Variants in TMED8 observed in about 807,000 individuals in gnomAD.
The protein encoded by TMED8 is transmembrane p24 trafficking protein family member 8.
A neutral mutation model predicts 32.7 loss-of-function variants in TMED8; 15 were observed. The observed-to-expected ratio is 0.46, with a 90% confidence interval of 0.31 to 0.71. The LOEUF is 0.71. Ranked by LOEUF, TMED8 falls within the 30% of genes least tolerant of loss-of-function variation. TMED8 has a pLI of 0.06. For synonymous variants in TMED8, 147 were observed against 161.4 expected (o/e 0.91, Z 0.68); for missense variants, 390 against 423.9 (o/e 0.92, Z 0.70).
intron 2 of TMED8, among the ~76,000 whole-genome samples, chr14:77,348,080 A>G (rs1429409837): frequency 6.6e-6 from 1 of 152,232 alleles, no homozygotes; most frequent in Non-Finnish European, 1.5e-5. Context: ...TAAGCCAAAC[A>G]TTAAAGAGAT....
intron 1 of TMED8, among the ~76,000 whole-genome samples, chr14:77,375,904 A>T (rs753203822): frequency 6.6e-6 from 1 of 152,228 alleles, no homozygotes; most frequent in Non-Finnish European, 1.5e-5. Flanking sequence ...TATGAGGCAG[A>T]TATTTTTAGT....
chr14:77,358,140 A>AG (rs1424429373), intron 1 of TMED8, among the ~76,000 whole-genome samples: 1 of 150,962 alleles, frequency 6.6e-6, no homozygotes, highest in Non-Finnish European at 1.5e-5. Context: ...AAAAAAAAAA[A>AG]AAAAGAAATT....
intron 1 of TMED8, 35 bp from the exon 2 acceptor site, chr14:77,351,786 G>A: frequency 6.5e-7 from 1 of 1,540,582 alleles, no homozygotes; most frequent in African/African-American, 1.4e-5. Context: ...TTCAATATCT[G>A]AGAGGGAATA....
intron 1 of TMED8, among the ~76,000 whole-genome samples, chr14:77,363,395 G>A (rs537720116): frequency 3.9e-5 from 6 of 152,222 alleles, no homozygotes; most frequent in South Asian, 2.1e-4. Flanking sequence ...AAAGAGAAAC[G>A]TATCTTGAGA....
chr14:77,367,023 T>C (rs1039577075), intron 1 of TMED8, among the ~76,000 whole-genome samples: 5 of 151,986 alleles, frequency 3.3e-5, no homozygotes, highest in Non-Finnish European at 7.4e-5. Context: ...GGCAGGCAGA[T>C]GGCTTGAGGT....
At chr14:77,362,849 AAGT>A (rs1893469250) in intron 1 of TMED8, among the ~76,000 whole-genome samples, 1 of 152,236 alleles carries the variant, frequency 6.6e-6, no homozygotes, top group African/African-American at 2.4e-5. Flanking sequence ...AGACAAAATA[AAGT>A]CTAAAAACTG....
In TMED8 at chr14:77,377,078, C is replaced by T. The variant is rs1893839769; in HGVS notation, c.-25G>A. ...TCTGCAGCCCGCGCACGGAGCTCTC[C>T]GCTGCCAGCCGCGAGTGGCTCCGGA... On this transcript the variant is annotated 5_prime_UTR_variant, in exon 1 of 6. Coordinates refer to ENST00000216468, the MANE Select transcript of TMED8 (RefSeq NM_213601.3). 1 of 1,319,808 alleles carries T rather than the reference C, an allele frequency of 7.6e-7. No homozygotes were observed. Among genetic ancestry groups the T allele is most frequent in the East Asian group, 3.0e-5 (1 of 33,772 alleles). The allele number at this position is 1,319,808 out of a possible 1,614,324, so 81.8% of individuals were successfully genotyped here.
rs373456133 is a variant in TMED8, at chr14:77,343,183, A to G, written c.755T>C (p.Ile252Thr). The change falls in exon 5 of 6, where the codon ATT becomes ACT. Residue 252 changes from isoleucine (I) to threonine (T), a missense_variant. Ile to Thr is a moderately conservative substitution (Grantham distance 89). Coordinates refer to ENST00000216468, the MANE Select transcript of TMED8 (RefSeq NM_213601.3). ...EDEEEEEEEE[I>T]EEPVPAGDVE... is the part of the protein sequence containing the mutation. ...TAGGTTAAAATTAAATTTACCTTCA[A>G]TCTCTTCCTCCTCTTCCTCTTCTTC... The G allele has an allele frequency of 1.9e-5, 31 of 1,611,732 alleles. No homozygotes were observed. The African/African-American group carries it at 3.3e-4, about 17-fold the overall frequency.
At chr14:77,352,070 CAGG>C (rs913853978) in intron 1 of TMED8, among the ~76,000 whole-genome samples, 2 of 151,862 alleles carry the variant, frequency 1.3e-5, no homozygotes, top group Non-Finnish European at 1.5e-5. Context: ...GAGGCCAAGG[CAGG>C]AGGATTGCTT....
chr14:77,374,991 C>T (rs746889275), intron 1 of TMED8, among the ~76,000 whole-genome samples: 4 of 152,248 alleles, frequency 2.6e-5, no homozygotes, highest in South Asian at 2.1e-4. Context: ...TAAAAACTTG[C>T]GCTAACTTGA....
intron 1 of TMED8, chr14:77,359,834 G>T: frequency 5.5e-6 from 1 of 182,998 alleles, no homozygotes; most frequent in South Asian, 1.3e-4. Flanking sequence ...TGGGCACTCT[G>T]ACAGTGAGAA....
intron 1 of TMED8, among the ~76,000 whole-genome samples, chr14:77,367,616 A>AT (rs2139633779): frequency 6.6e-6 from 1 of 151,986 alleles, no homozygotes; most frequent in East Asian, 1.9e-4. Context: ...TTCAGTCATT[A>AT]TTTTGATTGA....
chr14:77,355,746 C>G lies in TMED8; in HGVS notation c.119-3995G>C, dbSNP rs151077986. Among the ~76,000 whole-genome samples the G allele has an allele frequency of 5.4e-3, 827 of 152,280 alleles. 7 individuals carry two copies. The highest frequency in any genetic ancestry group is 0.019 in the African/African-American group (783 of 41,550). Reference sequence around the variant, plus strand: ...CAACATTTTCTTAAGAACCTCCCCCCTCAACAGCCTTGGAAGTGGCAGTTC... The same window carrying G: ...CAACATTTTCTTAAGAACCTCCCCCGTCAACAGCCTTGGAAGTGGCAGTTC... On this transcript the variant is annotated intron_variant, in intron 1 of 5. Coordinates refer to ENST00000216468, the MANE Select transcript of TMED8 (RefSeq NM_213601.3).
rs1892729653 is a variant in TMED8 at position 77,335,071 on chromosome 14, G to A, written c.*6700C>T. On this transcript the variant is annotated 3_prime_UTR_variant, in exon 6 of 6. Coordinates refer to ENST00000216468, the MANE Select transcript of TMED8 (RefSeq NM_213601.3). ...TATTTATGACAGATTCGAAAACTCA[G>A]AAGAGATGACAAAGAATGCACAAAA... 1 of 152,170 alleles carries A rather than the reference G, an allele frequency of 6.6e-6. No individual in the cohort carries two copies. The highest frequency in any genetic ancestry group is 2.4e-5 in the African/African-American group (1 of 41,426). The allele number at this position is 152,170 out of a possible 1,614,324, so 9.4% of individuals were successfully genotyped here.
At chr14:77,370,024 T>G (rs957079554) in intron 1 of TMED8, among the ~76,000 whole-genome samples, 2 of 151,976 alleles carry the variant, frequency 1.3e-5, no homozygotes, top group Non-Finnish European at 2.9e-5. Flanking sequence ...ATACAAAAAT[T>G]AGCCGGGCGT....
chr14:77,345,659 CAAAAAA>C (rs11297608), intron 3 of TMED8, among the ~76,000 whole-genome samples: 4 of 103,208 alleles, frequency 3.9e-5, no homozygotes, highest in Non-Finnish European at 5.8e-5. Context: ...ACCTTTGTCT[CAAAAAA>C]AAAAAAAAAA....
Position 77,343,945 on chromosome 14 carries a change from G to A in TMED8, c.328-122C>T, listed in dbSNP as rs189461577. On this transcript the variant is annotated intron_variant, in intron 3 of 5. Coordinates refer to ENST00000216468, the MANE Select transcript of TMED8 (RefSeq NM_213601.3). ...CCACTATCCCCACTCAAAGCTTAAT[G>A]TACTAGTCAATGTTCCTTCTCTTTC... 1.4e-4 allele frequency: 132 copies of A among 965,938 alleles called. No homozygotes were observed. In the African/African-American group the frequency reaches 1.8e-3, roughly 13 times the overall value. The allele number at this position is 965,938 out of a possible 1,614,324, so 59.8% of individuals were successfully genotyped here.
intron 2 of TMED8, among the ~76,000 whole-genome samples, chr14:77,347,092 C>A (rs1893065535): frequency 6.6e-6 from 1 of 152,088 alleles, no homozygotes; most frequent in African/African-American, 2.4e-5. Context: ...CTGGCCCCAA[C>A]ACCTATTAAC....
At chr14:77,348,429 T>A (rs1048417628) in intron 2 of TMED8, among the ~76,000 whole-genome samples, 4 of 152,144 alleles carry the variant, frequency 2.6e-5, no homozygotes, top group Non-Finnish European at 5.9e-5. Flanking sequence ...TTCACCATGT[T>A]AGCCAGGATG....
Sources: gnomAD v4.1 joint callset for allele counts (sites outside exome capture counted in the v4.1 genomes callset) on GRCh38, gnomAD v4.1.1 for gene constraint, MANE v1.5 for transcripts, NCBI Gene and HGNC (gene_info 2026-07-23, HGNC 2026-07-21) for gene names.